ZNF585B: variants seen among roughly 807,000 people sequenced by gnomAD.
The protein encoded by ZNF585B is zinc finger protein 41-like protein.
Under a neutral mutation model 14.0 loss-of-function variants are expected in ZNF585B, and 7 were observed. That is an observed-to-expected ratio of 0.50 (90% CI 0.28 to 0.94). The LOEUF is 0.94. Among genes scored for constraint, ZNF585B ranks in the 40% least tolerant of loss-of-function variants. ZNF585B has a pLI of 0.09. For synonymous variants in ZNF585B, 290 were observed against 317.3 expected (o/e 0.91, Z 0.91); for missense variants, 750 against 924.4 (o/e 0.81, Z 2.45).
Position 37,190,046 on chromosome 19 carries a change from G to A in ZNF585B, c.177C>T (p.Thr59=), listed in dbSNP as rs147348232. Residue 59 remains threonine, a synonymous_variant, in exon 3 of 5, where the codon ACC becomes ACT. Coordinates refer to ENST00000532828, the MANE Select transcript of ZNF585B (RefSeq NM_152279.4). ...TACCTACTGAGAGCAGGTGGCTGTA[G>A]GTCTCCAGCATCACATCCCGGTACA... ...RNLYRDVMLE[T]YSHLLSVGYQ... is the part of the protein sequence containing the mutation. The A allele has an allele frequency of 2.8e-3, 4,493 of 1,614,052 alleles. 18 individuals carry two copies. The highest frequency in any genetic ancestry group is 6.1e-3 in the Admixed American group (363 of 59,990).
intron 1 of ZNF585B, among the ~76,000 whole-genome samples, chr19:37,208,462 G>C (rs532205095): frequency 3.3e-5 from 5 of 151,978 alleles, no homozygotes; most frequent in African/African-American, 1.2e-4. Flanking sequence ...AGGTATTTCT[G>C]ATTATGTTTC....
At position 37,184,281 on chromosome 19, in the gene ZNF585B, A is replaced by T. The variant is rs951582047; in HGVS notation, c.*946T>A. The stretch of plus-strand genomic sequence containing the variant: ...GGCAGGAGAATTGCTTGAGCCCGGG[A>T]GACGGAGGTTGCAGTGAGCCAAGAT... On this transcript the variant is annotated 3_prime_UTR_variant, in exon 5 of 5. Coordinates refer to ENST00000532828, the MANE Select transcript of ZNF585B (RefSeq NM_152279.4). 2 of 151,766 alleles carry T rather than the reference A, an allele frequency of 1.3e-5. No homozygotes were observed. Among genetic ancestry groups the T allele is most frequent in the African/African-American group, 4.9e-5 (2 of 41,106 alleles). The allele number at this position is 151,766 out of a possible 1,614,324, so 9.4% of individuals were successfully genotyped here. A position where few individuals can be genotyped will look rare whatever the true frequency, so the allele number is the denominator to read the frequency against.
At chr19:37,202,190 A>G (rs1249331400) in intron 2 of ZNF585B, among the ~76,000 whole-genome samples, 1 of 152,042 alleles carries the variant, frequency 6.6e-6, no homozygotes, top group African/African-American at 2.4e-5. Flanking sequence ...TTTAATAGAG[A>G]CAGGGTTTCA....
chr19:37,188,475 A>C (rs1349795139), intron 4 of ZNF585B, among the ~76,000 whole-genome samples: 1 of 151,776 alleles, frequency 6.6e-6, no homozygotes, highest in Non-Finnish European at 1.5e-5. Flanking sequence ...AACAAGAGTG[A>C]AACTCCGTCT....
At chr19:37,209,742 T>G (rs905087846) in intron 1 of ZNF585B, among the ~76,000 whole-genome samples, 1 of 149,968 alleles carries the variant, frequency 6.7e-6, no homozygotes, top group Non-Finnish European at 1.5e-5. Context: ...TTTTTTTTTT[T>G]TGGTGCTCTG....
Position 37,207,089 on chromosome 19 carries a change from G to A in ZNF585B, c.23C>T (p.Pro8Leu). 6.2e-7 allele frequency: 1 copy of A among 1,614,150 alleles called. No individual in the cohort carries two copies. The highest frequency in any genetic ancestry group is 8.5e-7 in the Non-Finnish European group (1 of 1,180,018). MPASWTS[P>L]QKSSALAPED... ...TGGAGCCAGGGCTGAGGATTTCTGG[G>A]GTGAGGTCCAACTAGCTGGCATGGC... The change falls in exon 2 of 5, where the codon CCC becomes CTC. Residue 8 changes from proline (P) to leucine (L), a missense_variant. By Grantham distance (98) the Pro-to-Leu change is moderately conservative. This residue lies in a region of ZNF585B where 517 missense variants were observed against 570.3 expected (regional missense o/e 0.91). Coordinates refer to ENST00000532828, the MANE Select transcript of ZNF585B (RefSeq NM_152279.4).
intron 1 of ZNF585B, among the ~76,000 whole-genome samples, chr19:37,208,915 C>T (rs1972615251): frequency 6.6e-6 from 1 of 151,816 alleles, no homozygotes; most frequent in South Asian, 2.1e-4. Flanking sequence ...TAGCTTGAAC[C>T]AGGGAAGCAG....
chr19:37,195,345 C>CAAAAAAAAAAAAAA (rs71177429), intron 2 of ZNF585B, among the ~76,000 whole-genome samples: 1 of 14,300 alleles, frequency 7.0e-5, no homozygotes, highest in African/African-American at 2.2e-4. Context: ...GACTCTGACT[C>CAAAAAAAAAAAAAA]AAAAAAAAAA....
intron 2 of ZNF585B, 138 bp downstream of exon 2, chr19:37,206,902 G>A: frequency 3.6e-6 from 4 of 1,104,346 alleles, no homozygotes; most frequent in Admixed American, 2.1e-5. Flanking sequence ...GGAAGATCAA[G>A]TTTTCTTTCA....
At chr19:37,206,999 CTT>C (rs1469285393) in intron 2 of ZNF585B, 39 bp downstream of exon 2, 1 of 1,611,992 alleles carries the variant, frequency 6.2e-7, no homozygotes, top group Non-Finnish European at 8.5e-7. Flanking sequence ...GCTATCTACT[CTT>C]GGACTGAAAT....
intron 2 of ZNF585B, among the ~76,000 whole-genome samples, chr19:37,198,757 A>T (rs2145440506): frequency 1.3e-5 from 2 of 150,302 alleles, no homozygotes; most frequent in South Asian, 4.2e-4. Flanking sequence ...AAAAAAAAAA[A>T]AAAAGAAAGC....
chr19:37,199,324 C>T, intron 2 of ZNF585B: 1 of 342,186 alleles, frequency 2.9e-6, no homozygotes, highest in South Asian at 2.3e-5. Context: ...CCCAGGAGTT[C>T]AAGACAAGCC....
chr19:37,189,354 C>G (rs552240450), intron 4 of ZNF585B, among the ~76,000 whole-genome samples: 3 of 152,126 alleles, frequency 2.0e-5, no homozygotes, highest in Admixed American at 6.5e-5. Context: ...CCAGGAATAC[C>G]TGGATGTAAA....
At chr19:37,192,271 T>C (rs533176411) in intron 2 of ZNF585B, among the ~76,000 whole-genome samples, 2 of 152,130 alleles carry the variant, frequency 1.3e-5, no homozygotes, top group Non-Finnish European at 2.9e-5. Flanking sequence ...TAGATCTCTA[T>C]CTGAGACACC....
chr19:37,193,224 C>T (rs557559808), intron 2 of ZNF585B, among the ~76,000 whole-genome samples: 2 of 152,072 alleles, frequency 1.3e-5, no homozygotes, highest in Non-Finnish European at 2.9e-5. Context: ...GTAATCCCAG[C>T]ACTTTGGGAG....
rs935793122 is a variant in ZNF585B, at chr19:37,184,130, G to T, written c.*1097C>A. On this transcript the variant is annotated 3_prime_UTR_variant, in exon 5 of 5. Transcript: ENST00000532828. The stretch of plus-strand genomic sequence containing the variant: ...CCCAGGACTTTGGGAGGCCGAGGCG[G>T]GCGGATCATGAGGTCAGGAGTTCGA... 5.3e-5 allele frequency: 8 copies of T among 151,758 alleles called. No individual in the cohort carries two copies. Among genetic ancestry groups the T allele is most frequent in the African/African-American group, 1.5e-4 (6 of 41,170 alleles). 9.4% of individuals were successfully genotyped at this position (151,758 alleles called of 1,614,324 possible).
rs139048320 is a variant in ZNF585B at position 37,187,203 on chromosome 19, C to T, written c.334G>A (p.Gly112Ser). ...TCTTGAGAGGAAGCTGGTTTATAAC[C>T]GATGATTTTTCTATGTTGATTATGG... Reference protein sequence around the residue: ...WDHNQHRKIIGYKPASSQDQK... With the variant: ...WDHNQHRKIISYKPASSQDQK... Residue 112 changes from glycine to serine, a missense_variant, in exon 5 of 5, where the codon GGT (glycine) becomes AGT (serine). Physicochemically the swap from Gly to Ser is moderately conservative, Grantham distance 56. Around this residue, in one of 2 missense-constraint regions of ZNF585B, gnomAD observed 517 missense variants for 570.3 expected, o/e 0.91. Transcript: ENST00000532828. 1.2e-5 allele frequency: 20 copies of T among 1,611,044 alleles called. No individual in the cohort carries two copies. Among genetic ancestry groups the T allele is most frequent in the Admixed American group, 3.4e-5 (2 of 59,278 alleles).
intron 2 of ZNF585B, among the ~76,000 whole-genome samples, chr19:37,202,445 C>T (rs1341635980): frequency 6.6e-6 from 1 of 152,172 alleles, no homozygotes; most frequent in Non-Finnish European, 1.5e-5. Flanking sequence ...CTGATATTAT[C>T]TGTTACTCAA....
chr19:37,186,272 T>G lies in ZNF585B; in HGVS notation c.1265A>C (p.Lys422Thr), dbSNP rs1293145854. Residue 422 changes from lysine to threonine, a missense_variant, in exon 5 of 5, where the codon AAG becomes ACG. By Grantham distance (78) the Lys-to-Thr change is moderately conservative. This residue lies in a region of ZNF585B where 517 missense variants were observed against 570.3 expected (regional missense o/e 0.91). Transcript: ENST00000532828. ...TATTTGATGTGTAATCAAGTGTGCC[T>G]TCCGGATGAAGGCCAGTCCACATTT... ...CMKCGLAFIR[K>T]AHLITHQIIH... The G allele has an allele frequency of 3.1e-6, 5 of 1,614,132 alleles. No individual in the cohort carries two copies. The South Asian group carries it at 5.5e-5, about 18-fold the overall frequency.
Sources: gnomAD v4.1 joint callset for allele counts (sites outside exome capture counted in the v4.1 genomes callset) on GRCh38, gnomAD v4.1.1 for gene constraint, gnomAD v4.1.1 regional missense constraint, MANE v1.5 for transcripts, NCBI Gene and HGNC (gene_info 2026-07-23, HGNC 2026-07-21) for gene names.